Variants in LPIN1 observed in about 807,000 individuals in gnomAD.
The protein encoded by LPIN1 is lipin 1.
In LPIN1, 71 loss-of-function variants were observed where a neutral mutation model predicts 107.5. That is an observed-to-expected ratio of 0.66 (90% CI 0.55 to 0.80). The LOEUF (loss-of-function observed/expected upper bound fraction) is 0.80, where lower values mean the gene tolerates loss of function less well. LPIN1 is among the 30% of genes least tolerant of loss of function. The probability of loss-of-function intolerance (pLI) is 0.00; values close to 1 mark genes in which losing one functional copy is unlikely to be tolerated. For missense variants in LPIN1, 1,043 were observed against 1,160.6 expected, an observed-to-expected ratio of 0.90 and a Z score of 1.47; for synonymous variants, 445 against 452.6, an observed-to-expected ratio of 0.98 and a Z score of 0.21.
intron 2 of LPIN1, among the ~76,000 whole-genome samples, chr2:11,715,770 T>C (rs1663694201): frequency 6.6e-6 from 1 of 151,838 alleles, no homozygotes; most frequent in Admixed American, 6.6e-5. Flanking sequence ...CACAGTGTCT[T>C]TGAGATTTGG....
rs1222377562 is a variant in LPIN1 at position 11,825,179 on chromosome 2, G to A, written c.*388G>A. 6 of 282,460 alleles carry A rather than the reference G, an allele frequency of 2.1e-5. No homozygotes were observed. The highest frequency in any genetic ancestry group is 6.9e-6 in the Non-Finnish European group (1 of 144,622). The allele number at this position is 282,460 out of a possible 1,614,324, so 17.5% of individuals were successfully genotyped here. The stretch of plus-strand genomic sequence containing the variant: ...GTCCCCGCCTAGGACAGGGTCAATC[G>A]AGGAATGCCAGATGTGCACGGTTTT... On this transcript the variant is annotated 3_prime_UTR_variant, in exon 21 of 21. Coordinates refer to ENST00000674199, the MANE Select transcript of LPIN1 (RefSeq NM_001349206.2). The surrounding 1 kb of genome is among the most constrained non-coding windows in gnomAD (Gnocchi z 4.1).
chr2:11,801,273 G>A (rs1164229114), intron 14 of LPIN1, among the ~76,000 whole-genome samples: 2 of 152,166 alleles, frequency 1.3e-5, no homozygotes, highest in African/African-American at 4.8e-5. Context: ...CAAAGGAAGG[G>A]AAATCAGGAT....
intron 4 of LPIN1, among the ~76,000 whole-genome samples, chr2:11,772,618 T>G (rs1217583715): frequency 6.6e-6 from 1 of 152,228 alleles, no homozygotes; most frequent in Non-Finnish European, 1.5e-5. Context: ...TAATTTTGAC[T>G]TAGGTCCAAA....
At position 11,771,623 on chromosome 2, in the gene LPIN1, C is replaced by T; in HGVS notation, c.540C>T (p.Asp180=). Residue 180 remains aspartate (D), a synonymous_variant, in exon 4 of 21, where the codon GAC becomes GAT. Transcript: ENST00000674199. This position sits in a 1 kb window ranked among gnomAD's most constrained non-coding sequence, Gnocchi z 4.8. ...ACATGAACACATCTGAGGATGAGGA[C>T]ATGTTCCCCATCGAGATGAGCTCGG... ...DDNMNTSEDE[D]MFPIEMSSDE... 6.2e-7 allele frequency: 1 copy of T among 1,607,672 alleles called. No individual in the cohort carries two copies. The highest frequency in any genetic ancestry group is 1.7e-5 in the Admixed American group (1 of 58,696).
Position 11,773,738 on chromosome 2 carries a change from A to G in LPIN1, c.715A>G (p.Thr239Ala). Residue 239 changes from threonine to alanine, a missense_variant, in exon 5 of 21, where the codon ACT becomes GCT. Thr to Ala is a moderately conservative substitution (Grantham distance 58). Transcript: ENST00000674199. The stretch of plus-strand genomic sequence containing the variant: ...TAATTCGGATAGAGAGTGGTCACCC[A>G]CTCCCAGGTAAGCTGTTCCCTGTTC... ...YPNSDREWSP[T>A]PSSLVDCKRT... 6.2e-7 allele frequency: 1 copy of G among 1,614,010 alleles called. No individual in the cohort carries two copies.
chr2:11,764,623 T>A (rs1026754536), intron 1 of LPIN1, among the ~76,000 whole-genome samples: 2 of 152,222 alleles, frequency 1.3e-5, no homozygotes, highest in African/African-American at 4.8e-5. Context: ...TGGTGTTCCC[T>A]GGAGCAGTGG....
rs1573064187 is a variant in LPIN1 at position 11,825,104 on chromosome 2, G to A, written c.*313G>A. The A allele has an allele frequency of 2.4e-6, 1 of 409,968 alleles. No individual in the cohort carries two copies. The highest frequency in any genetic ancestry group is 4.6e-6 in the Non-Finnish European group (1 of 217,746). The allele number at this position is 409,968 out of a possible 1,614,324, so 25.4% of individuals were successfully genotyped here. On this transcript the variant is annotated 3_prime_UTR_variant, in exon 21 of 21. Coordinates refer to ENST00000674199, the MANE Select transcript of LPIN1 (RefSeq NM_001349206.2). This position sits in a 1 kb window ranked among gnomAD's most constrained non-coding sequence, Gnocchi z 4.1. ...CTCCAGCAAGTAGCTACTGGTTCAC[G>A]TGCAGTTTGGGGCTGTGAAACCTAG...
At chr2:11,777,213 G>C (rs1373021514) in intron 6 of LPIN1, 1 of 152,046 alleles carries the variant, frequency 6.6e-6, no homozygotes, top group African/African-American at 2.4e-5. Context: ...CGTCCTTTTT[G>C]GTCTGTCTGA....
intron 18 of LPIN1, among the ~76,000 whole-genome samples, chr2:11,815,718 C>T (rs555048811): frequency 2.8e-4 from 42 of 152,174 alleles, no homozygotes; most frequent in Admixed American, 9.2e-4. Flanking sequence ...TTCACCTGGC[C>T]TTTGACACCC....
intron 1 of LPIN1, among the ~76,000 whole-genome samples, chr2:11,689,802 G>T (rs1039400171): frequency 2.8e-4 from 43 of 152,262 alleles, no homozygotes; most frequent in African/African-American, 1.0e-3. Context: ...CTACTTGGGA[G>T]GCTGAGGAGG....
At chr2:11,732,905 C>CTGTG (rs774820092) in intron 1 of LPIN1, among the ~76,000 whole-genome samples, 3,912 of 146,936 alleles carry the variant, frequency 0.027, 171 homozygotes, top group African/African-American at 0.099. Flanking sequence ...CTCTCTCTCT[C>CTGTG]TCTCTCTGTG....
At chr2:11,711,226 T>G (rs1336622403) in intron 1 of LPIN1, among the ~76,000 whole-genome samples, 7 of 152,216 alleles carry the variant, frequency 4.6e-5, no homozygotes, top group Admixed American at 4.6e-4. Context: ...CCAGAATATC[T>G]GTACCCAAGT....
In LPIN1 at chr2:11,827,399, T is replaced by C. The variant is rs1682489915; in HGVS notation, c.*2608T>C. The C allele has an allele frequency of 6.6e-6, 1 of 152,238 alleles. No individual in the cohort carries two copies. The highest frequency in any genetic ancestry group is 1.5e-5 in the Non-Finnish European group (1 of 68,036). 9.4% of individuals were successfully genotyped at this position (152,238 alleles called of 1,614,324 possible). A position where few individuals can be genotyped will look rare whatever the true frequency, so the allele number is the denominator to read the frequency against. ...GCAATAAATGAGACCGATGAAAGAC[T>C]TCTCTGAAAATCAGGTGTGTGAATT... On this transcript the variant is annotated 3_prime_UTR_variant, in exon 21 of 21. Coordinates refer to ENST00000674199, the MANE Select transcript of LPIN1 (RefSeq NM_001349206.2). This position sits in a 1 kb window ranked among gnomAD's most constrained non-coding sequence, Gnocchi z 4.1.
chr2:11,744,447 C>A (rs181515101), upstream of LPIN1, among the ~76,000 whole-genome samples: 42 of 152,302 alleles, frequency 2.8e-4, 1 homozygote, highest in South Asian at 5.0e-3. Context: ...AAGGCTCCCC[C>A]CAACCCTTGG....
intron 13 of LPIN1, among the ~76,000 whole-genome samples, chr2:11,793,662 TCTCCCCTGCTTCGCTTAGCTAA>T (rs1188437789): frequency 4.6e-5 from 7 of 152,176 alleles, no homozygotes; most frequent in Admixed American, 6.5e-5. Flanking sequence ...TGTGGACCCC[TCTCCCCTGCTTCGCTTAGCTAA>T]CTAGCAGATC....
At chr2:11,784,320 A>T in intron 9 of LPIN1, 1 of 742,654 alleles carries the variant, frequency 1.3e-6, no homozygotes, top group Non-Finnish European at 1.7e-6. Flanking sequence ...AAAAAAAAAA[A>T]AAAAGTGTGA....
chr2:11,690,526 C>T (rs1662216506), intron 1 of LPIN1, among the ~76,000 whole-genome samples: 2 of 152,188 alleles, frequency 1.3e-5, no homozygotes, highest in South Asian at 4.1e-4. Context: ...GATTCTCAAA[C>T]ATCTTTTCAA....
At chr2:11,781,042 G>A (rs1279244101) in intron 7 of LPIN1, among the ~76,000 whole-genome samples, 1 of 152,164 alleles carries the variant, frequency 6.6e-6, no homozygotes, top group African/African-American at 2.4e-5. Context: ...TATATCACAA[G>A]CTTTAAAAAA....
chr2:11,738,383 AT>A (rs1666003704), intron 1 of LPIN1, among the ~76,000 whole-genome samples: 1 of 145,826 alleles, frequency 6.9e-6, no homozygotes, highest in Admixed American at 6.6e-5. Context: ...TTAAGGTATA[AT>A]TAAAAAAAAA....
Sources: allele counts gnomAD v4.1 joint callset (sites outside exome capture counted in the v4.1 genomes callset), GRCh38; gene constraint gnomAD v4.1.1; non-coding constraint Gnocchi (gnomAD v3.1); transcripts MANE v1.5; gene names NCBI Gene and HGNC (gene_info 2026-07-23, HGNC 2026-07-21).